Variants in VDAC1 observed in about 807,000 individuals in gnomAD.
The protein encoded by VDAC1 is voltage dependent anion channel 1, also known as non-selective voltage-gated ion channel VDAC1.
Under a neutral mutation model 34.7 loss-of-function variants are expected in VDAC1, and 10 were observed. The observed-to-expected ratio is 0.29, with a 90% CI of 0.18 to 0.49. The LOEUF (loss-of-function observed/expected upper bound fraction) is 0.49. Among genes scored for constraint, VDAC1 ranks in the 20% least tolerant of loss-of-function variants. The probability of loss-of-function intolerance (pLI) is 0.99; values close to 1 mark genes in which losing one functional copy is unlikely to be tolerated. For synonymous variants in VDAC1, 130 were observed against 136.0 expected (o/e 0.96, Z 0.30); for missense variants, 230 against 347.9 (o/e 0.66, Z 2.69).
chr5:134,077,140 G>A, the VDAC1 span, among the ~76,000 whole-genome samples: 3 of 151,986 alleles, frequency 2.0e-5, no homozygotes, highest in Non-Finnish European at 4.4e-5. Flanking sequence ...AGCCAGGCGT[G>A]GTGGCGTGCA....
the VDAC1 span, among the ~76,000 whole-genome samples, chr5:134,037,453 T>C: frequency 6.6e-6 from 1 of 152,228 alleles, no homozygotes; most frequent in Non-Finnish European, 1.5e-5. Context: ...TGATGATTAA[T>C]GGGTTTCCTG....
Position 133,991,892 on chromosome 5 carries a change from A to G in VDAC1, c.117+414T>C, listed in dbSNP as rs565758527. 1.4e-4 allele frequency among the ~76,000 whole-genome samples: 22 copies of G among 152,332 alleles called. No homozygotes were observed. In the South Asian group the frequency reaches 4.3e-3, roughly 30 times the overall value. Reference sequence around the variant, plus strand: ...CCCAAACCTCACCATTACACAATACATCCATGTAACAAACCTGCACATGTA... The same window carrying G: ...CCCAAACCTCACCATTACACAATACGTCCATGTAACAAACCTGCACATGTA... On this transcript the variant is annotated intron_variant, in intron 3 of 8. Transcript: ENST00000265333.
the VDAC1 span, among the ~76,000 whole-genome samples, chr5:134,022,240 C>A: frequency 6.9e-6 from 1 of 145,094 alleles, no homozygotes; most frequent in South Asian, 2.2e-4. Flanking sequence ...GCTCTAAACA[C>A]CAGCTCCCTG....
chr5:134,106,710 A>T, the VDAC1 span, among the ~76,000 whole-genome samples: 1 of 152,008 alleles, frequency 6.6e-6, no homozygotes, highest in Admixed American at 6.5e-5. Context: ...CTGGCCCGTC[A>T]TCCTATCTTA....
chr5:134,056,919 G>A, the VDAC1 span, among the ~76,000 whole-genome samples: 2 of 152,080 alleles, frequency 1.3e-5, no homozygotes, highest in Admixed American at 6.5e-5. Context: ...GAACTCAGGT[G>A]ATCCGCTCCC....
At chr5:134,053,013 G>A in the VDAC1 span, among the ~76,000 whole-genome samples, 3 of 152,200 alleles carry the variant, frequency 2.0e-5, no homozygotes, top group African/African-American at 4.8e-5. Flanking sequence ...TACCCGGGAG[G>A]CTGAGGCAGG....
At chr5:134,007,110 G>A (rs1012653722), upstream of VDAC1, among the ~76,000 whole-genome samples, 3 of 152,052 alleles carry the variant, frequency 2.0e-5, no homozygotes, top group Non-Finnish European at 4.4e-5. Context: ...CGGGCATGGT[G>A]GCACATGCCT....
At chr5:134,010,600 AAAC>A in the VDAC1 span, among the ~76,000 whole-genome samples, 15 of 152,206 alleles carry the variant, frequency 9.9e-5, no homozygotes, top group Admixed American at 5.2e-4. Context: ...CTTTGTCTCA[AAAC>A]AACAACAACA....
intron 1 of VDAC1, among the ~76,000 whole-genome samples, chr5:133,993,443 G>A (rs944034110): frequency 5.3e-5 from 8 of 152,158 alleles, no homozygotes; most frequent in African/African-American, 9.7e-5. Flanking sequence ...TAAATGTACC[G>A]AATAGAAATC....
the VDAC1 span, among the ~76,000 whole-genome samples, chr5:134,054,458 C>CTTTTTT: frequency 5.8e-4 from 72 of 123,540 alleles, no homozygotes; most frequent in Non-Finnish European, 6.7e-4. Context: ...TCCTTCCTTC[C>CTTTTTT]TTTTTTTTTT....
chr5:134,027,366 T>C, the VDAC1 span, among the ~76,000 whole-genome samples: 2 of 152,120 alleles, frequency 1.3e-5, no homozygotes, highest in African/African-American at 2.4e-5. Context: ...CATGACCAGT[T>C]CCCGAGCAGC....
intron 5 of VDAC1, among the ~76,000 whole-genome samples, chr5:133,982,468 C>T (rs373742218): frequency 4.5e-4 from 67 of 149,682 alleles, no homozygotes; most frequent in East Asian, 3.9e-3. Flanking sequence ...GCCGAGATCG[C>T]GCCACTGCAC....
At chr5:134,111,632 A>C in the VDAC1 span, among the ~76,000 whole-genome samples, 1 of 151,984 alleles carries the variant, frequency 6.6e-6, no homozygotes, top group African/African-American at 2.4e-5. Flanking sequence ...ACAGACCACC[A>C]AGATGATTCC....
the VDAC1 span, among the ~76,000 whole-genome samples, chr5:134,054,956 C>T: frequency 1.3e-4 from 20 of 152,188 alleles, no homozygotes; most frequent in African/African-American, 1.9e-4. Context: ...CTCAGAGGTC[C>T]GTCCCCACCC....
At chr5:134,047,058 C>T in the VDAC1 span, among the ~76,000 whole-genome samples, 2 of 152,094 alleles carry the variant, frequency 1.3e-5, no homozygotes, top group Non-Finnish European at 2.9e-5. Flanking sequence ...GAACTATACT[C>T]GGACTATCAG....
the VDAC1 span, among the ~76,000 whole-genome samples, chr5:134,020,406 G>A: frequency 2.0e-5 from 3 of 151,614 alleles, no homozygotes; most frequent in South Asian, 6.3e-4. Flanking sequence ...CTGTGCTAAA[G>A]GCTCCTCCCC....
chr5:134,072,863 T>G, the VDAC1 span, among the ~76,000 whole-genome samples: 200 of 152,316 alleles, frequency 1.3e-3, no homozygotes, highest in South Asian at 4.8e-3. Context: ...AGACCTTCTC[T>G]GGGGATGTGG....
chr5:134,102,207 C>A, the VDAC1 span, among the ~76,000 whole-genome samples: 1 of 152,102 alleles, frequency 6.6e-6, no homozygotes, highest in African/African-American at 2.4e-5. Flanking sequence ...TGGGGGGACT[C>A]TGGGCCTCGC....
the VDAC1 span, among the ~76,000 whole-genome samples, chr5:134,059,933 CTG>C: frequency 6.8e-6 from 1 of 147,598 alleles, no homozygotes. Context: ...CCCAGGGAGA[CTG>C]TGTGTCTCCT....
Sources: gnomAD v4.1 joint callset for allele counts (sites outside exome capture counted in the v4.1 genomes callset) on GRCh38, gnomAD v4.1.1 for gene constraint, MANE v1.5 for transcripts, NCBI Gene and HGNC (gene_info 2026-07-23, HGNC 2026-07-21) for gene names.